The following PARVB variants were observed in gnomAD, a reference collection of about 807,000 sequenced individuals.
PARVB encodes beta-parvin.
Under a neutral mutation model 47.0 loss-of-function variants are expected in PARVB, and 46 were observed. That is an observed-to-expected ratio of 0.98 (90% CI 0.77 to 1.25). PARVB has a LOEUF of 1.25. Ranked by LOEUF, PARVB falls within the 50% of genes most tolerant of loss-of-function variation. PARVB has a pLI of 0.00. For missense variants in PARVB, 473 were observed against 471.6 expected, an observed-to-expected ratio of 1.00 and a Z score of -0.03; for synonymous variants, 196 against 196.3, an observed-to-expected ratio of 1.00 and a Z score of 0.01.
intron 11 of PARVB, among the ~76,000 whole-genome samples, chr22:44,158,863 A>G (rs2053992262): frequency 6.6e-6 from 1 of 152,272 alleles, no homozygotes; most frequent in Non-Finnish European, 1.5e-5. Flanking sequence ...TGTTAGACCC[A>G]TGAGTCAGGG....
At chr22:44,082,826 A>G (rs2051937137) in intron 1 of PARVB, among the ~76,000 whole-genome samples, 2 of 152,200 alleles carry the variant, frequency 1.3e-5, no homozygotes, top group Admixed American at 1.3e-4. Context: ...TTTCTGGGCC[A>G]AGGGAATCAT....
intron 1 of PARVB, among the ~76,000 whole-genome samples, chr22:44,073,793 T>A (rs2051706087): frequency 6.6e-6 from 1 of 152,246 alleles, no homozygotes; most frequent in Non-Finnish European, 1.5e-5. Context: ...GGACCAGCTC[T>A]GGGGCCACCT....
chr22:44,095,505 T>TA (rs111367961), intron 2 of PARVB, among the ~76,000 whole-genome samples: 3,890 of 127,446 alleles, frequency 0.031, 190 homozygotes, highest in Admixed American at 0.14. Context: ...CATCTCAAAG[T>TA]AAAAAAAAAA....
intron 1 of PARVB, among the ~76,000 whole-genome samples, chr22:44,041,014 A>G (rs1201814830): frequency 6.6e-6 from 1 of 151,700 alleles, no homozygotes; most frequent in African/African-American, 2.4e-5. Flanking sequence ...AAAAATAAAA[A>G]AAAAAAGAAA....
At chr22:44,075,619 C>T (rs184898173) in intron 1 of PARVB, among the ~76,000 whole-genome samples, 9 of 152,364 alleles carry the variant, frequency 5.9e-5, no homozygotes, top group Non-Finnish European at 1.0e-4. Context: ...CCTCTCACTC[C>T]TGGCAACCTC....
At chr22:44,041,201 A>T (rs1369697059) in intron 1 of PARVB, among the ~76,000 whole-genome samples, 2 of 151,828 alleles carry the variant, frequency 1.3e-5, no homozygotes, top group East Asian at 3.9e-4. Flanking sequence ...TTCACTTCAA[A>T]CTTTACTTGG....
At chr22:44,102,275 G>T (rs2052466779) in intron 3 of PARVB, among the ~76,000 whole-genome samples, 1 of 152,128 alleles carries the variant, frequency 6.6e-6, no homozygotes, top group African/African-American at 2.4e-5. Context: ...AGGGCTGTCT[G>T]CTTTACTCTA....
chr22:44,041,900 A>C lies in PARVB; in HGVS notation c.112+17449A>C, dbSNP rs185452269. 7.9e-5 allele frequency among the ~76,000 whole-genome samples: 12 copies of C among 151,848 alleles called. 1 individual carries two copies. The South Asian group carries it at 1.0e-3, about 13-fold the overall frequency. Reference sequence around the variant, plus strand: ...ACCCTGCCTCAAAAATAAATAAATAAATAAATACATACATACATTCATACA... The same window carrying C: ...ACCCTGCCTCAAAAATAAATAAATACATAAATACATACATACATTCATACA... On this transcript the variant is annotated intron_variant, in intron 1 of 12. Transcript: ENST00000338758.
intron 1 of PARVB, among the ~76,000 whole-genome samples, chr22:44,040,198 A>C (rs2050993538): frequency 6.6e-6 from 1 of 152,220 alleles, no homozygotes; most frequent in African/African-American, 2.4e-5. Flanking sequence ...TGTACCTTTT[A>C]ACTCCAAGGA....
chr22:44,067,452 G>A (rs1232016277), intron 1 of PARVB, among the ~76,000 whole-genome samples: 1 of 152,218 alleles, frequency 6.6e-6, no homozygotes, highest in African/African-American at 2.4e-5. Context: ...ACCAGCCCCA[G>A]GCATCTCCTT....
chr22:44,042,291 G>T (rs1048065908), intron 1 of PARVB, among the ~76,000 whole-genome samples: 5 of 152,156 alleles, frequency 3.3e-5, no homozygotes, highest in African/African-American at 1.2e-4. Context: ...CCTGGTGGTG[G>T]GTGCCTGTAA....
intron 3 of PARVB, chr22:44,107,530 G>A (rs2052594562): frequency 6.6e-6 from 1 of 152,118 alleles, no homozygotes; most frequent in Admixed American, 6.5e-5. Context: ...ATGAGATCTG[G>A]GTTTATGCTA....
chr22:44,094,378 CACCAT>C, intron 2 of PARVB, among the ~76,000 whole-genome samples: 1 of 152,072 alleles, frequency 6.6e-6, no homozygotes, highest in Non-Finnish European at 1.5e-5. Flanking sequence ...CGCCACGCCA[CACCAT>C]GCCAAGCCAC....
intron 1 of PARVB, among the ~76,000 whole-genome samples, chr22:44,061,460 A>ACAAAACAAAACAAAC (rs1397839217): frequency 8.5e-6 from 1 of 117,268 alleles, no homozygotes; most frequent in Non-Finnish European, 1.8e-5. Context: ...ACAAAACAAA[A>ACAAAACAAAACAAAC]CAAACCAAAA....
At chr22:44,168,383 C>T (rs528078394) in intron 12 of PARVB, 30 of 526,430 alleles carry the variant, frequency 5.7e-5, no homozygotes, top group South Asian at 1.9e-4. Context: ...TGCCTGTCCC[C>T]GCAGGGTGTC....
rs533267345 is a variant in PARVB, at chr22:44,120,110, C to A, written c.376+970C>A. On this transcript the variant is annotated intron_variant, in intron 4 of 12. Coordinates refer to ENST00000338758, the MANE Select transcript of PARVB (RefSeq NM_013327.5). ...TGGTGAACAGCCGGGCAGCCTGGCCCCAAGCATAGCTCTTGAGCCCGGCCG... is the reference window on the plus strand; with the variant it reads ...TGGTGAACAGCCGGGCAGCCTGGCCACAAGCATAGCTCTTGAGCCCGGCCG... Among the ~76,000 whole-genome samples, 7 of 152,352 alleles carry A rather than the reference C, an allele frequency of 4.6e-5. No individual in the cohort carries two copies. The South Asian group carries it at 1.4e-3, about 32-fold the overall frequency.
At position 44,172,402 on chromosome 22, in the gene PARVB, A is replaced by T. The variant is rs2147206705; in HGVS notation, c.*3724A>T. On this transcript the variant is annotated 3_prime_UTR_variant, in exon 13 of 13. Transcript: ENST00000338758. The stretch of plus-strand genomic sequence containing the variant: ...AAAGCAAGGCCAAGTATGTCCACCC[A>T]TGGGGACAAACGTCCCAGCACAAAG... 6.5e-6 allele frequency: 1 copy of T among 153,790 alleles called. No individual in the cohort carries two copies. The highest frequency in any genetic ancestry group is 2.4e-5 in the African/African-American group (1 of 41,574). The allele number at this position is 153,790 out of a possible 1,614,324, so 9.5% of individuals were successfully genotyped here.
chr22:44,165,447 C>T (rs1422082885), intron 12 of PARVB, among the ~76,000 whole-genome samples: 2 of 152,184 alleles, frequency 1.3e-5, no homozygotes, highest in African/African-American at 2.4e-5. Context: ...CTGTAGATAC[C>T]GGCCCGGCCT....
At chr22:44,048,356 C>A (rs189594358) in intron 1 of PARVB, among the ~76,000 whole-genome samples, 142 of 152,166 alleles carry the variant, frequency 9.3e-4, no homozygotes, top group Non-Finnish European at 1.4e-3. Flanking sequence ...GGCACATGAA[C>A]TGAGGGTAAT....
Sources: allele counts gnomAD v4.1 joint callset (sites outside exome capture counted in the v4.1 genomes callset), GRCh38; gene constraint gnomAD v4.1.1; transcripts MANE v1.5; gene names NCBI Gene and HGNC (gene_info 2026-07-23, HGNC 2026-07-21).